PDK1: variants seen among roughly 807,000 people sequenced by gnomAD.
The protein encoded by PDK1 is pyruvate dehydrogenase kinase 1, also known as [Pyruvate dehydrogenase (acetyl-transferring)] kinase isozyme 1, mitochondrial.
PDK1 carries 39 observed loss-of-function variants against 54.2 expected under a neutral mutation model. The ratio of observed to expected loss-of-function variants is 0.72; its 90% CI spans 0.56 to 0.94. PDK1 has a LOEUF of 0.94. Among genes scored for constraint, PDK1 ranks in the 40% least tolerant of loss-of-function variants. The pLI, the probability that PDK1 is intolerant of heterozygous loss-of-function variation, is 0.00. For synonymous variants in PDK1, 221 were observed against 207.1 expected, an observed-to-expected ratio of 1.07 and a Z score of -0.58; for missense variants, 552 against 566.0, an observed-to-expected ratio of 0.98 and a Z score of 0.25.
At chr2:172,587,861 A>C (rs1327776711) in intron 9 of PDK1, among the ~76,000 whole-genome samples, 1 of 152,220 alleles carries the variant, frequency 6.6e-6, no homozygotes, top group African/African-American at 2.4e-5. Context: ...TTAGCTAGAT[A>C]CAAAAGTTCT....
At chr2:172,555,971 C>T, upstream of PDK1, 1 of 421,882 alleles carries the variant, frequency 2.4e-6, no homozygotes. Flanking sequence ...CTCCCCGCCT[C>T]CTTCCCGCTC....
At chr2:172,697,201 T>G in the PDK1 span, among the ~76,000 whole-genome samples, 2 of 152,218 alleles carry the variant, frequency 1.3e-5, no homozygotes, top group Non-Finnish European at 2.9e-5. Flanking sequence ...CAATTCCAAC[T>G]GCAAAACCCA....
the PDK1 span, among the ~76,000 whole-genome samples, chr2:172,631,462 C>T: frequency 6.6e-6 from 1 of 152,198 alleles, no homozygotes; most frequent in Non-Finnish European, 1.5e-5. Flanking sequence ...GGACTGGCCT[C>T]CCAGTTTTGT....
chr2:172,557,743 G>A (rs1215802895), intron 1 of PDK1, among the ~76,000 whole-genome samples: 1 of 151,858 alleles, frequency 6.6e-6, no homozygotes, highest in Non-Finnish European at 1.5e-5. Flanking sequence ...GCCTCCCAAA[G>A]TGATGATAGG....
At chr2:172,645,866 G>A in the PDK1 span, among the ~76,000 whole-genome samples, 2 of 152,332 alleles carry the variant, frequency 1.3e-5, no homozygotes, top group African/African-American at 4.8e-5. Flanking sequence ...GTTTGATCAT[G>A]CAGTAATAAA....
In PDK1 at chr2:172,577,505, A is replaced by AT. The variant is rs1262362845; in HGVS notation, c.945+6687dup. 5.9e-5 allele frequency among the ~76,000 whole-genome samples: 9 copies of AT among 152,088 alleles called. No homozygotes were observed. In the South Asian group the frequency reaches 8.3e-4, roughly 14 times the overall value. ...TTTTGTCTTCAATATATGTCATATC[A>AT]TTTTTTATTATTTCTCCATTATCAC... On this transcript the variant is annotated intron_variant, in intron 8 of 10. Coordinates refer to ENST00000282077, the MANE Select transcript of PDK1 (RefSeq NM_002610.5).
chr2:172,717,370 G>A, the PDK1 span, among the ~76,000 whole-genome samples: 2 of 152,132 alleles, frequency 1.3e-5, no homozygotes, highest in Admixed American at 1.3e-4. Context: ...CCAGATTCCT[G>A]ACCCTCAGAA....
chr2:172,556,101 GC>G lies in PDK1; in HGVS notation c.-49del, dbSNP rs1175676574. On this transcript the variant is annotated 5_prime_UTR_variant, in exon 1 of 11. Transcript: ENST00000282077. ...GTCCCTCACGTACCACTCGGCAGAGGCGCGGGGAAACCTGGCGTACTGGCTG... is the reference window on the plus strand; with the variant it reads ...GTCCCTCACGTACCACTCGGCAGAGGGCGGGGAAACCTGGCGTACTGGCTG... 1.2e-5 allele frequency: 16 copies of G among 1,313,214 alleles called. No individual in the cohort carries two copies. The highest frequency in any genetic ancestry group is 1.5e-5 in the Non-Finnish European group (15 of 1,022,962). 81.3% of individuals were successfully genotyped at this position (1,313,214 alleles called of 1,614,324 possible). A position where few individuals can be genotyped will look rare whatever the true frequency, so the allele number is the denominator to read the frequency against.
the PDK1 span, among the ~76,000 whole-genome samples, chr2:172,705,392 T>A: frequency 6.6e-6 from 1 of 152,240 alleles, no homozygotes; most frequent in African/African-American, 2.4e-5. Flanking sequence ...TCTTGACATT[T>A]TAAGTCTACG....
At chr2:172,680,360 T>A in the PDK1 span, among the ~76,000 whole-genome samples, 2 of 152,122 alleles carry the variant, frequency 1.3e-5, no homozygotes, top group Non-Finnish European at 2.9e-5. Context: ...TTTCTTTTCT[T>A]TTTTAAATAG....
intron 5 of PDK1, among the ~76,000 whole-genome samples, chr2:172,565,411 G>A (rs756471686): frequency 4.6e-5 from 7 of 152,056 alleles, no homozygotes; most frequent in Admixed American, 6.5e-5. Flanking sequence ...TCAAGCGATT[G>A]TCTTGCCTCA....
At chr2:172,655,717 C>T in the PDK1 span, among the ~76,000 whole-genome samples, 5 of 152,198 alleles carry the variant, frequency 3.3e-5, no homozygotes, top group Non-Finnish European at 5.9e-5. Context: ...AGTGCAGGAG[C>T]CCAAGTGGGC....
the PDK1 span, among the ~76,000 whole-genome samples, chr2:172,708,486 A>G: frequency 6.6e-6 from 1 of 152,236 alleles, no homozygotes; most frequent in Non-Finnish European, 1.5e-5. Context: ...GAGTTAAATC[A>G]TCAACTATTT....
the PDK1 span, among the ~76,000 whole-genome samples, chr2:172,703,891 T>A: frequency 6.7e-6 from 1 of 148,432 alleles, no homozygotes; most frequent in Non-Finnish European, 1.5e-5. Flanking sequence ...TCCTGCCTCA[T>A]CCTCCTGAGT....
At chr2:172,615,432 T>C in the PDK1 span, among the ~76,000 whole-genome samples, 4 of 152,188 alleles carry the variant, frequency 2.6e-5, no homozygotes, top group Non-Finnish European at 5.9e-5. Flanking sequence ...AAGACCAGCC[T>C]GACCAACCTG....
chr2:172,585,017 G>A (rs1690139605), intron 8 of PDK1, among the ~76,000 whole-genome samples: 1 of 151,654 alleles, frequency 6.6e-6, no homozygotes, highest in South Asian at 2.1e-4. Context: ...TTAATTTAGA[G>A]ACAGTGGCTC....
the PDK1 span, among the ~76,000 whole-genome samples, chr2:172,666,272 A>G: frequency 6.6e-6 from 1 of 152,230 alleles, no homozygotes. Context: ...CAAGATTTAC[A>G]TCAATAGAGG....
At chr2:172,680,411 G>A in the PDK1 span, among the ~76,000 whole-genome samples, 2 of 152,102 alleles carry the variant, frequency 1.3e-5, no homozygotes, top group African/African-American at 2.4e-5. Context: ...GAGTGCAGTA[G>A]CGTGATCATA....
chr2:172,622,242 G>GATATGTTTATATCTCATATTATGTGAGAT, the PDK1 span, among the ~76,000 whole-genome samples: 5 of 117,294 alleles, frequency 4.3e-5, no homozygotes, highest in Non-Finnish European at 8.7e-5. Context: ...TATTATGTGA[G>GATATGTTTATATCTCATATTATGTGAGAT]ATGTTTATAT....
Sources: gnomAD v4.1 joint callset for allele counts (sites outside exome capture counted in the v4.1 genomes callset) on GRCh38, gnomAD v4.1.1 for gene constraint, MANE v1.5 for transcripts, NCBI Gene and HGNC (gene_info 2026-07-23, HGNC 2026-07-21) for gene names.